The following FMO4 variants were observed in gnomAD, a reference collection of about 807,000 sequenced individuals.
FMO4 encodes dimethylaniline monooxygenase [N-oxide-forming] 4.
Under a neutral mutation model 43.3 loss-of-function variants are expected in FMO4, and 38 were observed. The observed-to-expected ratio is 0.88, with a 90% CI of 0.68 to 1.15. The LOEUF is 1.15. FMO4 is among the 50% of genes most tolerant of loss of function. FMO4 has a pLI of 0.00. For synonymous variants in FMO4, 224 were observed against 232.2 expected, an observed-to-expected ratio of 0.96 and a Z score of 0.32; for missense variants, 631 against 663.3, an observed-to-expected ratio of 0.95 and a Z score of 0.54.
chr1:171,318,189 C>T (rs1428418534), intron 2 of FMO4, among the ~76,000 whole-genome samples: 1 of 152,016 alleles, frequency 6.6e-6, no homozygotes, highest in Non-Finnish European at 1.5e-5. Context: ...TGGTGACAGG[C>T]ACCTGTAATC....
Position 171,341,527 on chromosome 1 carries a change from C to T in FMO4, c.1365C>T (p.Pro455=). The T allele has an allele frequency of 1.9e-6, 3 of 1,614,060 alleles. No individual in the cohort carries two copies. Among genetic ancestry groups the T allele is most frequent in the Non-Finnish European group, 2.5e-6 (3 of 1,179,986 alleles). The part of the protein sequence containing the change: ...PSIPLLFLKD[P]RLAWEVFFGP... ...TCCCACTTCTGTTCCTCAAGGATCC[C>T]AGACTAGCTTGGGAAGTTTTCTTTG... is the stretch of plus-strand genomic sequence containing the variant. Residue 455 remains proline (P), a synonymous_variant, in exon 10 of 10, where the codon CCC becomes CCT. Coordinates refer to ENST00000367749, the MANE Select transcript of FMO4 (RefSeq NM_002022.3).
chr1:171,315,653 T>G (rs1410174616), intron 1 of FMO4, among the ~76,000 whole-genome samples: 1 of 152,216 alleles, frequency 6.6e-6, no homozygotes, highest in Non-Finnish European at 1.5e-5. Flanking sequence ...ACTACCTTCC[T>G]CTACTGACTC....
chr1:171,337,334 T>C lies in FMO4; in HGVS notation c.1181-22T>C, dbSNP rs1429061324. On this transcript the variant is annotated intron_variant, in intron 8 of 9. Coordinates refer to ENST00000367749, the MANE Select transcript of FMO4 (RefSeq NM_002022.3). The stretch of plus-strand genomic sequence containing the variant: ...GGAAAAGCCACATGTGACTTTAGTG[T>C]TGTTTGTGATTTTTCCCACAGGACT... 7 of 1,554,864 alleles carry C rather than the reference T, an allele frequency of 4.5e-6. No homozygotes were observed. The Admixed American group carries it at 1.0e-4, about 22-fold the overall frequency.
At chr1:171,324,371 GT>G in intron 5 of FMO4, 71 bp downstream of exon 5, 1 of 1,228,908 alleles carries the variant, frequency 8.1e-7, no homozygotes, top group South Asian at 1.6e-5. Flanking sequence ...TTGATTTGCA[GT>G]TGGAAATACC....
intron 2 of FMO4, among the ~76,000 whole-genome samples, chr1:171,319,026 C>G (rs1662303386): frequency 6.6e-6 from 1 of 152,196 alleles, no homozygotes; most frequent in Admixed American, 6.5e-5. Flanking sequence ...TATTTACAGA[C>G]AGCTAAGTAT....
rs374521853 is a variant in FMO4, at chr1:171,324,150, A to T, written c.334A>T (p.Ser112Cys). 2 of 1,612,006 alleles carry T rather than the reference A, an allele frequency of 1.2e-6. No homozygotes were observed. Among genetic ancestry groups the T allele is most frequent in the Non-Finnish European group, 1.7e-6 (2 of 1,179,066 alleles). The change falls in exon 5 of 10, where the codon AGC becomes TGC. Residue 112 changes from serine to cysteine, a missense_variant. Ser to Cys is a moderately radical substitution (Grantham distance 112, BLOSUM62 -1). Transcript: ENST00000367749. Reference sequence around the variant, plus strand: ...CTTTCACTTTTAGACCACTGTGTGCAGCATAACGAAGCGTCCAGACTTCTC... The same window carrying T: ...CTTTCACTTTTAGACCACTGTGTGCTGCATAACGAAGCGTCCAGACTTCTC... The part of the protein sequence containing the change: ...KYIQFKTTVC[S>C]ITKRPDFSET...
chr1:171,328,035 G>A (rs1230959399), intron 5 of FMO4, among the ~76,000 whole-genome samples: 1 of 150,286 alleles, frequency 6.7e-6, no homozygotes, highest in Non-Finnish European at 1.5e-5. Flanking sequence ...AGAGGACAAA[G>A]TCTTTATTTA....
intron 5 of FMO4, among the ~76,000 whole-genome samples, chr1:171,326,771 T>A (rs1159009773): frequency 6.6e-6 from 1 of 152,192 alleles, no homozygotes; most frequent in Non-Finnish European, 1.5e-5. Context: ...ATTTAACTTA[T>A]CATGGAGAGT....
At chr1:171,336,724 C>T (rs1373205946) in intron 8 of FMO4, among the ~76,000 whole-genome samples, 1 of 152,116 alleles carries the variant, frequency 6.6e-6, no homozygotes, top group East Asian at 1.9e-4. Flanking sequence ...CCACCTCAGC[C>T]TCCTGAGTAG....
chr1:171,317,285 A>G lies in FMO4; in HGVS notation c.-9+958A>G, dbSNP rs369967086. On this transcript the variant is annotated intron_variant, in intron 2 of 9. Transcript: ENST00000367749. ...TAAGTGACATGAGACTACAAAAATC[A>G]CACAGGGGTTATACAGCTTGATCTT... Among the ~76,000 whole-genome samples, 8 of 152,316 alleles carry G rather than the reference A, an allele frequency of 5.3e-5. No individual in the cohort carries two copies. The East Asian group carries it at 1.2e-3, about 22-fold the overall frequency.
chr1:171,334,117 T>C (rs1436336181), intron 7 of FMO4, among the ~76,000 whole-genome samples: 1 of 152,210 alleles, frequency 6.6e-6, no homozygotes, highest in East Asian at 1.9e-4. Context: ...GTACCCTCTA[T>C]GCTGACACTC....
At chr1:171,330,960 T>C (rs1334956535) in intron 5 of FMO4, among the ~76,000 whole-genome samples, 2 of 152,148 alleles carry the variant, frequency 1.3e-5, no homozygotes, top group African/African-American at 4.8e-5. Flanking sequence ...TACTGCATAA[T>C]AACACATCAA....
intron 2 of FMO4, among the ~76,000 whole-genome samples, chr1:171,318,284 T>G (rs532081996): frequency 6.6e-6 from 1 of 151,514 alleles, no homozygotes; most frequent in Admixed American, 6.6e-5. Context: ...GCCACTGCAC[T>G]CCAGCCTGGG....
chr1:171,326,387 C>A lies in FMO4; in HGVS notation c.484+2087C>A, dbSNP rs572670705. 4.3e-4 allele frequency among the ~76,000 whole-genome samples: 65 copies of A among 152,248 alleles called. No homozygotes were observed. In the South Asian group the frequency reaches 0.013, roughly 31 times the overall value. On this transcript the variant is annotated intron_variant, in intron 5 of 9. Coordinates refer to ENST00000367749, the MANE Select transcript of FMO4 (RefSeq NM_002022.3). ...CCTTTTTAAAAATCTATATTGTCAA[C>A]CTAATGGAAGAAGCTGAGGCATAAA... is the stretch of plus-strand genomic sequence containing the variant.
chr1:171,335,790 T>A (rs1196813557), intron 8 of FMO4, among the ~76,000 whole-genome samples: 1 of 152,160 alleles, frequency 6.6e-6, no homozygotes, highest in African/African-American at 2.4e-5. Context: ...TTATTTACAT[T>A]ACAGAAAAAA....
chr1:171,320,641 G>A (rs1158792643), intron 3 of FMO4, among the ~76,000 whole-genome samples: 1 of 152,212 alleles, frequency 6.6e-6, no homozygotes, highest in East Asian at 1.9e-4. Flanking sequence ...GTTACTGGAA[G>A]TAGCAGGGTA....
At chr1:171,332,380 G>A (rs1451906347) in intron 6 of FMO4, among the ~76,000 whole-genome samples, 2 of 152,094 alleles carry the variant, frequency 1.3e-5, no homozygotes, top group African/African-American at 4.8e-5. Context: ...AGGTAAAATT[G>A]CTTTTCCATA....
At chr1:171,329,102 C>G (rs370737810) in intron 5 of FMO4, among the ~76,000 whole-genome samples, 3 of 152,146 alleles carry the variant, frequency 2.0e-5, no homozygotes, top group Non-Finnish European at 4.4e-5. Flanking sequence ...CCTCTCCCTC[C>G]GAACCCTAAA....
intron 9 of FMO4, among the ~76,000 whole-genome samples, chr1:171,339,960 T>G (rs1469086323): frequency 6.6e-6 from 1 of 152,136 alleles, no homozygotes; most frequent in Non-Finnish European, 1.5e-5. Flanking sequence ...ACTACGAGTT[T>G]TAGCCAGTCT....
Sources: gnomAD v4.1 joint callset for allele counts (sites outside exome capture counted in the v4.1 genomes callset) on GRCh38, gnomAD v4.1.1 for gene constraint, MANE v1.5 for transcripts, NCBI Gene and HGNC (gene_info 2026-07-23, HGNC 2026-07-21) for gene names.